LINGO1: variants seen among roughly 807,000 people sequenced by gnomAD.
The protein encoded by LINGO1 is leucine rich repeat and Ig domain containing 1, also known as leucine-rich repeat and immunoglobulin-like domain-containing nogo receptor-interacting protein 1.
In LINGO1, 11 loss-of-function variants were observed where a neutral mutation model predicts 37.3. The ratio of observed to expected loss-of-function variants is 0.29; its 90% CI spans 0.19 to 0.49. The LOEUF is 0.49. Among genes scored for constraint, LINGO1 ranks in the 20% least tolerant of loss-of-function variants. LINGO1 has a pLI of 0.99. For missense variants in LINGO1, 585 were observed against 878.2 expected (o/e 0.67, Z 4.22); for synonymous variants, 387 against 403.0 (o/e 0.96, Z 0.48).
Position 77,742,439 on chromosome 15 carries a change from C to G in LINGO1, c.-256-7386G>C, listed in dbSNP as rs1367225660. 1.3e-5 allele frequency among the ~76,000 whole-genome samples: 2 copies of G among 152,204 alleles called. 1 individual carries two copies. The highest frequency in any genetic ancestry group is 2.9e-5 in the Non-Finnish European group (2 of 68,044). ...CCTCTCAGCAGTTCACTGAGCTGGGCACCAGTATCCCCCTTTCCAGAGGGG... is the reference window on the plus strand; with the variant it reads ...CCTCTCAGCAGTTCACTGAGCTGGGGACCAGTATCCCCCTTTCCAGAGGGG... On this transcript the variant is annotated intron_variant, in intron 1 of 3. Transcript: ENST00000561686.
intron 1 of LINGO1, among the ~76,000 whole-genome samples, chr15:77,758,892 G>T (rs2076447212): frequency 6.6e-6 from 1 of 151,896 alleles, no homozygotes; most frequent in South Asian, 2.1e-4. Context: ...GTTGGGTGAG[G>T]TCCTGAATCT....
At chr15:77,642,767 A>G (rs775710403) in intron 3 of LINGO1, among the ~76,000 whole-genome samples, 14 of 152,340 alleles carry the variant, frequency 9.2e-5, no homozygotes, top group African/African-American at 3.1e-4. Context: ...TACTTCTGCA[A>G]GTGCTTCCCT....
At chr15:77,811,945 T>TA (rs5813884) in intron 1 of LINGO1, among the ~76,000 whole-genome samples, 3,304 of 142,464 alleles carry the variant, frequency 0.023, 116 homozygotes, top group African/African-American at 0.078. Flanking sequence ...CCAACAAAAT[T>TA]AAAAAAAAAA....
intron 3 of LINGO1, among the ~76,000 whole-genome samples, chr15:77,654,374 A>T (rs2074824632): frequency 2.0e-5 from 3 of 152,156 alleles, no homozygotes; most frequent in Admixed American, 2.0e-4. Context: ...GCTGGGGGGA[A>T]CCAGGGTAAG....
chr15:77,632,129 A>T lies in LINGO1; in HGVS notation c.6+181T>A, dbSNP rs2074272995. Among the ~76,000 whole-genome samples the T allele has an allele frequency of 6.6e-6, 1 of 152,084 alleles. No individual in the cohort carries two copies. The highest frequency in any genetic ancestry group is 1.5e-5 in the Non-Finnish European group (1 of 67,982). ...GGGGTTGGAGAGAGGGGAGGTGGAA[A>T]AGGAAGAATTTTCATTTCTGAGGCT... On this transcript the variant is annotated intron_variant, in intron 1 of 1. Transcript: ENST00000355300. This position sits in a 1 kb window ranked among gnomAD's most constrained non-coding sequence, Gnocchi z 6.0.
intron 3 of LINGO1, among the ~76,000 whole-genome samples, chr15:77,658,697 T>A (rs1294179444): frequency 6.6e-6 from 1 of 152,214 alleles, no homozygotes; most frequent in Non-Finnish European, 1.5e-5. Flanking sequence ...GAGTTTTGCA[T>A]CCTAGGAGAC....
intron 2 of LINGO1, among the ~76,000 whole-genome samples, chr15:77,717,106 G>T (rs4569231): frequency 0.17 from 25,255 of 150,082 alleles, 3,934 homozygotes; most frequent in East Asian, 0.37. Flanking sequence ...GCTCCCCAGC[G>T]CCCCTTGCCC....
intron 1 of LINGO1, among the ~76,000 whole-genome samples, chr15:77,799,614 T>C (rs558427877): frequency 8.9e-4 from 135 of 152,250 alleles, no homozygotes; most frequent in African/African-American, 2.6e-3. Context: ...CTTTGTTCAT[T>C]AGGTCCTTGC....
At position 77,632,216 on chromosome 15, in the gene LINGO1, C is replaced by T. The variant is rs1431965960; in HGVS notation, c.6+94G>A. On this transcript the variant is annotated intron_variant, in intron 1 of 1. Coordinates refer to ENST00000355300, the MANE Select transcript of LINGO1 (RefSeq NM_032808.7). This position sits in a 1 kb window ranked among gnomAD's most constrained non-coding sequence, Gnocchi z 6.0. ...TGGGTGGCACCGAGGTGCCCTGCAA[C>T]CCCAGGAGGGCGCAGCCAGGGCCGA... 14 of 1,256,240 alleles carry T rather than the reference C, an allele frequency of 1.1e-5. No individual in the cohort carries two copies. The highest frequency in any genetic ancestry group is 1.6e-5 in the African/African-American group (1 of 63,742). The allele number at this position is 1,256,240 out of a possible 1,614,324, so 77.8% of individuals were successfully genotyped here.
chr15:77,767,297 G>A (rs1403569371), intron 1 of LINGO1, among the ~76,000 whole-genome samples: 1 of 152,100 alleles, frequency 6.6e-6, no homozygotes, highest in African/African-American at 2.4e-5. Flanking sequence ...TTAGAGAGAG[G>A]GGCTCCTTTA....
intron 1 of LINGO1, among the ~76,000 whole-genome samples, chr15:77,751,875 T>C (rs2076375419): frequency 6.6e-6 from 1 of 152,194 alleles, no homozygotes; most frequent in African/African-American, 2.4e-5. Flanking sequence ...TGATCCTAAG[T>C]AATGAACATG....
upstream of LINGO1, among the ~76,000 whole-genome samples, chr15:77,634,841 T>C (rs1402625176): frequency 6.8e-6 from 1 of 148,140 alleles, no homozygotes; most frequent in Non-Finnish European, 1.5e-5. Context: ...CCGACAGGAA[T>C]AGACGCTCGC....
intron 1 of LINGO1, among the ~76,000 whole-genome samples, chr15:77,813,921 G>A (rs1023493365): frequency 6.6e-6 from 1 of 152,206 alleles, no homozygotes; most frequent in Non-Finnish European, 1.5e-5. Flanking sequence ...AGGCCTGCTC[G>A]CCTTAGCATG....
chr15:77,738,920 G>C (rs984775172), intron 1 of LINGO1, among the ~76,000 whole-genome samples: 25 of 152,282 alleles, frequency 1.6e-4, no homozygotes, highest in Admixed American at 2.6e-4. Flanking sequence ...GCAGGAGCCA[G>C]AGGGCATGCC....
chr15:77,685,682 A>AC (rs1454340367), intron 2 of LINGO1, among the ~76,000 whole-genome samples: 1 of 129,336 alleles, frequency 7.7e-6, no homozygotes, highest in African/African-American at 3.3e-5. Flanking sequence ...ACATAGTGAG[A>AC]CCCCGTCTTA....
At chr15:77,669,002 GC>G (rs2075197890) in intron 3 of LINGO1, among the ~76,000 whole-genome samples, 2 of 152,264 alleles carry the variant, frequency 1.3e-5, no homozygotes, top group Non-Finnish European at 2.9e-5. Context: ...GCCCAGCGTG[GC>G]CTGAATATTT....
chr15:77,671,724 C>A (rs1317608131), intron 3 of LINGO1, among the ~76,000 whole-genome samples: 2 of 152,230 alleles, frequency 1.3e-5, no homozygotes, highest in Non-Finnish European at 2.9e-5. Flanking sequence ...AGGAGCTCAG[C>A]CACCCTCCTG....
At chr15:77,803,740 G>A (rs1292442464) in intron 1 of LINGO1, among the ~76,000 whole-genome samples, 1 of 152,058 alleles carries the variant, frequency 6.6e-6, no homozygotes, top group Non-Finnish European at 1.5e-5. Flanking sequence ...CCTGTGAAGT[G>A]CCTGTTCCCG....
At chr15:77,801,014 C>T (rs1261790962) in intron 1 of LINGO1, among the ~76,000 whole-genome samples, 2 of 152,174 alleles carry the variant, frequency 1.3e-5, no homozygotes, top group Non-Finnish European at 2.9e-5. Flanking sequence ...TGATTGATAA[C>T]AAGCAGTGCT....
Sources: gnomAD v4.1 joint callset for allele counts (sites outside exome capture counted in the v4.1 genomes callset) on GRCh38, gnomAD v4.1.1 for gene constraint, Gnocchi (gnomAD v3.1) non-coding constraint, MANE v1.5 for transcripts, NCBI Gene and HGNC (gene_info 2026-07-23, HGNC 2026-07-21) for gene names.